Variants in EIF4E observed in about 807,000 individuals in gnomAD.
EIF4E encodes eukaryotic translation initiation factor 4E.
For synonymous variants in EIF4E, 71 were observed against 88.5 expected (o/e 0.80, Z 1.11); for missense variants, 113 against 265.6 (o/e 0.43, Z 3.99).
At chr4:98,924,858 G>A (rs1015821045) in intron 1 of EIF4E, among the ~76,000 whole-genome samples, 1 of 152,178 alleles carries the variant, frequency 6.6e-6, no homozygotes, top group Non-Finnish European at 1.5e-5. Context: ...GCCTCCCAAA[G>A]TGCTGAGATT....
Position 98,880,762 on chromosome 4 carries a change from G to T in EIF4E, c.*266C>A. On this transcript the variant is annotated 3_prime_UTR_variant, in exon 7 of 7. Coordinates refer to ENST00000450253, the MANE Select transcript of EIF4E (RefSeq NM_001968.5). The stretch of plus-strand genomic sequence containing the variant: ...TAATTCTACTGAACTATTACAGAGT[G>T]GGCCAGGAACACATTTATGGATTCT... 1 of 352,984 alleles carries T rather than the reference G, an allele frequency of 2.8e-6. No individual in the cohort carries two copies. The highest frequency in any genetic ancestry group is 9.3e-4 in the Middle Eastern group (1 of 1,078). 21.9% of individuals were successfully genotyped at this position (352,984 alleles called of 1,614,324 possible). A position where few individuals can be genotyped will look rare whatever the true frequency, so the allele number is the denominator to read the frequency against.
chr4:98,904,022 G>C (rs1472296593), intron 1 of EIF4E, among the ~76,000 whole-genome samples: 1 of 152,176 alleles, frequency 6.6e-6, no homozygotes, highest in African/African-American at 2.4e-5. Flanking sequence ...AACTGCTGTA[G>C]ATGAGAAGTG....
At chr4:98,895,649 A>G (rs1724348764) in intron 2 of EIF4E, 1 of 152,264 alleles carries the variant, frequency 6.6e-6, no homozygotes, top group South Asian at 2.1e-4. Flanking sequence ...AAAGAAGAAG[A>G]AAAGGCAAGA....
At chr4:98,913,894 A>C (rs950064957) in intron 1 of EIF4E, among the ~76,000 whole-genome samples, 7 of 152,164 alleles carry the variant, frequency 4.6e-5, no homozygotes, top group Non-Finnish European at 1.0e-4. Context: ...TAACCTAGTA[A>C]TTAGACTTCT....
At chr4:98,912,020 C>T (rs1474671159) in intron 1 of EIF4E, among the ~76,000 whole-genome samples, 2 of 151,694 alleles carry the variant, frequency 1.3e-5, no homozygotes, top group Non-Finnish European at 2.9e-5. Context: ...TTTGGGAGGT[C>T]GAGGCGGGCG....
chr4:98,928,510 A>C (rs1721321299), intron 1 of EIF4E, among the ~76,000 whole-genome samples: 1 of 152,046 alleles, frequency 6.6e-6, no homozygotes, highest in Non-Finnish European at 1.5e-5. Flanking sequence ...AGCGAGGTCG[A>C]AGCTCCTCCG....
intron 1 of EIF4E, among the ~76,000 whole-genome samples, chr4:98,911,637 G>A (rs945256033): frequency 1.5e-5 from 2 of 129,462 alleles, no homozygotes; most frequent in Non-Finnish European, 1.6e-5. Context: ...CTCCAGCCTG[G>A]GCAACAAGAG....
At chr4:98,901,290 T>C (rs1462533641) in intron 2 of EIF4E, among the ~76,000 whole-genome samples, 2 of 151,304 alleles carry the variant, frequency 1.3e-5, no homozygotes, top group African/African-American at 4.9e-5. Flanking sequence ...CTGCACCTCC[T>C]GGGTTCAAGC....
intron 2 of EIF4E, among the ~76,000 whole-genome samples, chr4:98,898,723 G>A (rs1487213099): frequency 6.6e-6 from 1 of 151,920 alleles, no homozygotes; most frequent in East Asian, 1.9e-4. Context: ...TTTTTCAGGT[G>A]AAATTATACA....
chr4:98,895,951 A>G (rs1724361893), intron 2 of EIF4E, among the ~76,000 whole-genome samples: 1 of 119,480 alleles, frequency 8.4e-6, no homozygotes, highest in Non-Finnish European at 2.2e-5. Context: ...TAATCCCAGC[A>G]CTTTGGGAGG....
intron 1 of EIF4E, among the ~76,000 whole-genome samples, chr4:98,912,305 G>A (rs561879295): frequency 2.0e-5 from 3 of 151,114 alleles, no homozygotes; most frequent in South Asian, 2.1e-4. Flanking sequence ...GGCCAGGCAC[G>A]GTGGCTCATG....
chr4:98,884,596 C>T (rs1178527346), intron 6 of EIF4E, among the ~76,000 whole-genome samples: 1 of 151,926 alleles, frequency 6.6e-6, no homozygotes, highest in East Asian at 1.9e-4. Flanking sequence ...CCCAGCTACT[C>T]GGGAGGCTGA....
intron 3 of EIF4E, among the ~76,000 whole-genome samples, chr4:98,890,019 AAAAT>A (rs1159279332): frequency 1.3e-5 from 2 of 152,018 alleles, no homozygotes; most frequent in African/African-American, 4.8e-5. Context: ...CTTTTAATAA[AAAAT>A]AAATACTCTC....
At chr4:98,900,698 A>C (rs957313162) in intron 2 of EIF4E, among the ~76,000 whole-genome samples, 2 of 152,228 alleles carry the variant, frequency 1.3e-5, no homozygotes, top group African/African-American at 4.8e-5. Context: ...GCATTCAGTG[A>C]ACTCAAGTTA....
chr4:98,914,493 A>G (rs1725291910), intron 1 of EIF4E, among the ~76,000 whole-genome samples: 1 of 151,908 alleles, frequency 6.6e-6, no homozygotes, highest in Non-Finnish European at 1.5e-5. Context: ...ATGAGTTATC[A>G]AGCCATAAAA....
chr4:98,881,069 T>C lies in EIF4E; in HGVS notation c.613A>G (p.Thr205Ala), dbSNP rs751640787. ...IGYQSHADTA[T>A]KSGSTTKNRF... ...TTTTTAGTGGTGGAGCCGCTCTTAG[T>C]AGCTGTGTCTGCGTGGGACTGATAA... Residue 205 changes from threonine (T) to alanine (A), a missense_variant, in exon 7 of 7, where the codon ACT becomes GCT. Physicochemically the swap from Thr to Ala is moderately conservative, Grantham distance 58. Transcript: ENST00000450253. 1.2e-6 allele frequency: 2 copies of C among 1,612,260 alleles called. No individual in the cohort carries two copies. The highest frequency in any genetic ancestry group is 2.2e-5 in the East Asian group (1 of 44,840).
At chr4:98,919,388 C>A (rs188403449) in intron 1 of EIF4E, among the ~76,000 whole-genome samples, 258 of 148,280 alleles carry the variant, frequency 1.7e-3, no homozygotes, top group African/African-American at 6.0e-3. Flanking sequence ...TAATTCTATA[C>A]AAGAGTAAAT....
chr4:98,894,066 G>A (rs1724262127), intron 2 of EIF4E, among the ~76,000 whole-genome samples: 1 of 152,210 alleles, frequency 6.6e-6, no homozygotes, highest in African/African-American at 2.4e-5. Flanking sequence ...ATTTTGAAAG[G>A]AAACTTTTTT....
intron 3 of EIF4E, among the ~76,000 whole-genome samples, chr4:98,889,019 C>T (rs549880130): frequency 1.3e-4 from 19 of 151,838 alleles, no homozygotes; most frequent in Non-Finnish European, 2.4e-4. Flanking sequence ...ATTAGCCGGG[C>T]GTGGTGGCAT....
Sources: allele counts gnomAD v4.1 joint callset (sites outside exome capture counted in the v4.1 genomes callset), GRCh38; gene constraint gnomAD v4.1.1; transcripts MANE v1.5; gene names NCBI Gene and HGNC (gene_info 2026-07-23, HGNC 2026-07-21).